Variants in LTBP1 observed in about 807,000 individuals in gnomAD.
The protein encoded by LTBP1 is latent-transforming growth factor beta-binding protein 1.
In LTBP1, 129 loss-of-function variants were observed where a neutral mutation model predicts 207.6. The ratio of observed to expected loss-of-function variants is 0.62; its 90% CI spans 0.54 to 0.72. The LOEUF is 0.72. LTBP1 is among the 30% of genes least tolerant of loss of function. The pLI, the probability that LTBP1 is intolerant of heterozygous loss-of-function variation, is 0.00. For missense variants in LTBP1, 2,281 were observed against 2,217.2 expected (o/e 1.03, Z -0.58); for synonymous variants, 963 against 833.7 (o/e 1.16, Z -2.67).
chr2:33,380,139 CAT>C (rs2095195144), intron 31 of LTBP1, among the ~76,000 whole-genome samples: 1 of 152,150 alleles, frequency 6.6e-6, no homozygotes. Flanking sequence ...TGTTAAATTA[CAT>C]GTTTGTCATC....
intron 2 of LTBP1, among the ~76,000 whole-genome samples, chr2:33,013,471 A>AT (rs903521448): frequency 6.7e-6 from 1 of 150,272 alleles, no homozygotes; most frequent in Non-Finnish European, 1.5e-5. Context: ...TTTCAGAAAA[A>AT]TTTTTTTTCT....
At chr2:33,080,398 G>A (rs887003146) in intron 3 of LTBP1, among the ~76,000 whole-genome samples, 1 of 152,066 alleles carries the variant, frequency 6.6e-6, no homozygotes, top group South Asian at 2.1e-4. Flanking sequence ...CTGGAGTCCT[G>A]CTTAAATCTT....
Position 33,021,192 on chromosome 2 carries a change from G to A in LTBP1, c.849G>A (p.Gln283=). 2.5e-6 allele frequency: 4 copies of A among 1,597,510 alleles called. No individual in the cohort carries two copies. Among genetic ancestry groups the A allele is most frequent in the Non-Finnish European group, 3.4e-6 (4 of 1,168,808 alleles). The change falls in exon 3 of 34, where the codon CAG becomes CAA. Residue 283 remains glutamine, a synonymous_variant. Transcript: ENST00000404816. ...CGAAGCCTTCAGTGGGACTCCCCCA[G>A]CAGATACATTCTCAGTGAGTGTTTC... ...LKPKPSVGLP[Q]QIHSQVTPLS... is the part of the protein sequence containing the mutation.
chr2:32,989,954 A>T (rs1031145064), intron 2 of LTBP1, among the ~76,000 whole-genome samples: 1 of 152,196 alleles, frequency 6.6e-6, no homozygotes. Flanking sequence ...GTTAGCTATT[A>T]TTAATTTCCA....
chr2:33,260,835 T>A (rs1261276092), intron 13 of LTBP1, among the ~76,000 whole-genome samples: 3 of 152,204 alleles, frequency 2.0e-5, no homozygotes, highest in Non-Finnish European at 4.4e-5. Flanking sequence ...GGCAGCCTCA[T>A]CACGACTCAG....
At chr2:33,171,205 A>C (rs1212890445) in intron 5 of LTBP1, among the ~76,000 whole-genome samples, 1 of 120,802 alleles carries the variant, frequency 8.3e-6, no homozygotes, top group Admixed American at 8.6e-5. Flanking sequence ...CGATCAAACT[A>C]CTCCGAGCTA....
At chr2:32,990,576 G>A (rs13390140) in intron 2 of LTBP1, among the ~76,000 whole-genome samples, 4,641 of 152,154 alleles carry the variant, frequency 0.031, 240 homozygotes, top group African/African-American at 0.1. Context: ...GACTGTACCT[G>A]GGTGATTAAC....
chr2:33,283,061 C>CAAAAAA (rs201168175), intron 19 of LTBP1, among the ~76,000 whole-genome samples: 1 of 49,410 alleles, frequency 2.0e-5, no homozygotes, highest in Admixed American at 2.0e-4. Flanking sequence ...GACTCCATCT[C>CAAAAAA]AAAAAAAAAA....
At chr2:33,164,946 A>G (rs1487611742) in intron 5 of LTBP1, among the ~76,000 whole-genome samples, 2 of 152,242 alleles carry the variant, frequency 1.3e-5, no homozygotes, top group Admixed American at 6.5e-5. Context: ...CTTCACTTAA[A>G]GCAAGTACAT....
intron 16 of LTBP1, among the ~76,000 whole-genome samples, chr2:33,274,285 A>G (rs1369523874): frequency 6.6e-6 from 1 of 151,812 alleles, no homozygotes; most frequent in Non-Finnish European, 1.5e-5. Context: ...TCTCAGAAAG[A>G]TATGCAGTAG....
chr2:33,241,125 C>G (rs1307578512), intron 9 of LTBP1, among the ~76,000 whole-genome samples: 1 of 152,036 alleles, frequency 6.6e-6, no homozygotes, highest in Non-Finnish European at 1.5e-5. Context: ...ATAGATGAAC[C>G]AAGGCAGTTG....
At chr2:33,017,675 G>A (rs1688574965) in intron 2 of LTBP1, among the ~76,000 whole-genome samples, 1 of 152,188 alleles carries the variant, frequency 6.6e-6, no homozygotes, top group African/African-American at 2.4e-5. Context: ...GGAGTGCAGT[G>A]GCGCTATCTC....
intron 9 of LTBP1, among the ~76,000 whole-genome samples, chr2:33,239,496 A>C (rs2092211622): frequency 6.6e-6 from 1 of 152,182 alleles, no homozygotes; most frequent in Non-Finnish European, 1.5e-5. Flanking sequence ...TCATCTATAG[A>C]GGGAGAACAA....
At chr2:33,278,232 G>A (rs1204064000) in intron 18 of LTBP1, among the ~76,000 whole-genome samples, 1 of 152,076 alleles carries the variant, frequency 6.6e-6, no homozygotes, top group Non-Finnish European at 1.5e-5. Flanking sequence ...GGAAAATTAT[G>A]TACTTAAATT....
At chr2:33,125,707 G>A (rs924483957) in intron 4 of LTBP1, among the ~76,000 whole-genome samples, 1 of 151,978 alleles carries the variant, frequency 6.6e-6, no homozygotes, top group Admixed American at 6.6e-5. Context: ...GCAGGTGCCT[G>A]TAGTCCCAGC....
Position 33,257,525 on chromosome 2 carries a change from T to C in LTBP1, c.2395+14T>C. 1 of 1,600,032 alleles carries C rather than the reference T, an allele frequency of 6.2e-7. No homozygotes were observed. The highest frequency in any genetic ancestry group is 8.6e-7 in the Non-Finnish European group (1 of 1,167,600). ...CGGAGCCAGAAGGTGAGAGCGGTAA[T>C]GGATCATGGACTCTAGACATCTATC... On this transcript the variant is annotated intron_variant, in intron 12 of 33. Coordinates refer to ENST00000404816, the MANE Select transcript of LTBP1 (RefSeq NM_206943.4).
chr2:33,091,622 G>A (rs1214381367), intron 3 of LTBP1, among the ~76,000 whole-genome samples: 1 of 152,192 alleles, frequency 6.6e-6, no homozygotes, highest in African/African-American at 2.4e-5. Flanking sequence ...TGGAAATTAA[G>A]CATTGCTTTT....
At chr2:33,065,293 T>C (rs2077454691) in intron 3 of LTBP1, among the ~76,000 whole-genome samples, 1 of 152,220 alleles carries the variant, frequency 6.6e-6, no homozygotes, top group Admixed American at 6.5e-5. Flanking sequence ...ATGGTGGTTA[T>C]ACCTGTAATC....
At chr2:33,068,503 G>A (rs1250044810) in intron 3 of LTBP1, among the ~76,000 whole-genome samples, 1 of 151,932 alleles carries the variant, frequency 6.6e-6, no homozygotes, top group Non-Finnish European at 1.5e-5. Context: ...ACATTCTGTG[G>A]GTTTGGAAAA....
Sources: allele counts gnomAD v4.1 joint callset (sites outside exome capture counted in the v4.1 genomes callset), GRCh38; gene constraint gnomAD v4.1.1; transcripts MANE v1.5; gene names NCBI Gene and HGNC (gene_info 2026-07-23, HGNC 2026-07-21).